FILIP1L: variants seen among roughly 807,000 people sequenced by gnomAD.
FILIP1L encodes filamin A interacting protein 1 like, also known as filamin A-interacting protein 1-like.
FILIP1L carries 55 observed loss-of-function variants against 96.6 expected under a neutral mutation model. The observed-to-expected ratio is 0.57, with a 90% CI of 0.46 to 0.71. FILIP1L has a LOEUF of 0.71. FILIP1L is among the 30% of genes least tolerant of loss of function. FILIP1L has a pLI of 0.00. For synonymous variants in FILIP1L, 467 were observed against 473.9 expected (o/e 0.99, Z 0.19); for missense variants, 1,304 against 1,321.2 (o/e 0.99, Z 0.20).
At chr3:99,908,501 A>G (rs1706692190) in intron 4 of FILIP1L, among the ~76,000 whole-genome samples, 4 of 152,204 alleles carry the variant, frequency 2.6e-5, no homozygotes, top group Admixed American at 2.0e-4. Flanking sequence ...TCCCCAGGCA[A>G]TAATGATGAT....
chr3:99,969,607 C>T (rs1166031408), intron 1 of FILIP1L, among the ~76,000 whole-genome samples: 4 of 152,114 alleles, frequency 2.6e-5, no homozygotes, highest in Non-Finnish European at 5.9e-5. Context: ...GGTCAAGGAA[C>T]TATGGTTTTC....
intron 1 of FILIP1L, among the ~76,000 whole-genome samples, chr3:100,111,216 G>A (rs1686612008): frequency 6.6e-6 from 1 of 152,128 alleles, no homozygotes; most frequent in Admixed American, 6.6e-5. Context: ...GAAAGAGGAT[G>A]GTAGGGGGAG....
intron 1 of FILIP1L, among the ~76,000 whole-genome samples, chr3:100,031,341 A>G (rs2065018414): frequency 6.6e-6 from 1 of 152,108 alleles, no homozygotes; most frequent in Non-Finnish European, 1.5e-5. Flanking sequence ...CTAGCAGTCC[A>G]ATAGAAATGT....
intron 4 of FILIP1L, among the ~76,000 whole-genome samples, chr3:99,901,884 C>T (rs140442858): frequency 6.6e-5 from 10 of 152,160 alleles, no homozygotes; most frequent in Non-Finnish European, 1.2e-4. Context: ...TACCACCTGC[C>T]TTGTCCCTAG....
At chr3:100,044,358 A>T (rs1215449297) in intron 1 of FILIP1L, among the ~76,000 whole-genome samples, 1 of 152,122 alleles carries the variant, frequency 6.6e-6, no homozygotes, top group Non-Finnish European at 1.5e-5. Flanking sequence ...TCATAGTATA[A>T]AGAAGTAACA....
intron 5 of FILIP1L, among the ~76,000 whole-genome samples, chr3:99,835,011 ATCATCTTTG>A (rs1445588381): frequency 6.6e-6 from 1 of 152,222 alleles, no homozygotes; most frequent in Non-Finnish European, 1.5e-5. Context: ...CATCATCAGC[ATCATCTTTG>A]TCTTTTTCCT....
intron 1 of FILIP1L, among the ~76,000 whole-genome samples, chr3:100,016,447 A>ACAG (rs1384348541): frequency 6.6e-6 from 1 of 152,138 alleles, no homozygotes; most frequent in Admixed American, 6.6e-5. Context: ...CACCTCGGAA[A>ACAG]GTGCTGGGAT....
At chr3:99,916,767 T>C (rs1706967632) in intron 4 of FILIP1L, among the ~76,000 whole-genome samples, 1 of 152,144 alleles carries the variant, frequency 6.6e-6, no homozygotes, top group Non-Finnish European at 1.5e-5. Context: ...GTCTATGCTT[T>C]TAACTCTGAT....
intron 5 of FILIP1L, among the ~76,000 whole-genome samples, chr3:99,845,087 A>G (rs1279018735): frequency 6.6e-6 from 1 of 152,184 alleles, no homozygotes; most frequent in Non-Finnish European, 1.5e-5. Flanking sequence ...ATAGTTGTGG[A>G]GACCTTACAA....
intron 1 of FILIP1L, among the ~76,000 whole-genome samples, chr3:100,080,089 A>C (rs1464999938): frequency 6.6e-6 from 1 of 151,994 alleles, no homozygotes; most frequent in Non-Finnish European, 1.5e-5. Flanking sequence ...TTTAACTTTT[A>C]CTCCATCCCT....
intron 4 of FILIP1L, among the ~76,000 whole-genome samples, chr3:99,880,681 T>A (rs1705696045): frequency 1.3e-5 from 2 of 152,048 alleles, no homozygotes; most frequent in African/African-American, 2.4e-5. Flanking sequence ...GTTTTAAAAT[T>A]AATTTAAAAT....
chr3:99,901,218 C>T (rs1013877167), intron 4 of FILIP1L, among the ~76,000 whole-genome samples: 1 of 152,144 alleles, frequency 6.6e-6, no homozygotes, highest in African/African-American at 2.4e-5. Context: ...AACAAAATGG[C>T]TACACGTTGA....
chr3:100,092,738 AGGTC>A (rs2066132844), intron 1 of FILIP1L, among the ~76,000 whole-genome samples: 1 of 150,634 alleles, frequency 6.6e-6, no homozygotes, highest in Non-Finnish European at 1.5e-5. Context: ...ACTTACTCTG[AGGTC>A]CTACCTTGTC....
At chr3:100,014,807 ATT>A (rs201338660) in intron 1 of FILIP1L, among the ~76,000 whole-genome samples, 332 of 64,524 alleles carry the variant, frequency 5.1e-3, no homozygotes, top group Non-Finnish European at 8.5e-3. Context: ...CATTCTATTG[ATT>A]TTTTTTTTTT....
chr3:99,868,589 C>T (rs1171912232), intron 4 of FILIP1L, among the ~76,000 whole-genome samples: 2 of 152,212 alleles, frequency 1.3e-5, no homozygotes, highest in African/African-American at 2.4e-5. Flanking sequence ...AAGCTGCCTT[C>T]CTTTCTGCAT....
intron 1 of FILIP1L, among the ~76,000 whole-genome samples, chr3:100,033,034 A>G (rs553944367): frequency 3.3e-5 from 5 of 152,114 alleles, no homozygotes; most frequent in African/African-American, 7.2e-5. Flanking sequence ...TTTCCACTCT[A>G]CTGTTACCAT....
intron 1 of FILIP1L, among the ~76,000 whole-genome samples, chr3:100,101,418 C>A (rs1405579805): frequency 6.6e-6 from 1 of 152,040 alleles, no homozygotes; most frequent in African/African-American, 2.4e-5. Flanking sequence ...TAGCAGTGGC[C>A]TCAGGTAAAG....
chr3:100,045,178 G>A (rs951234002), intron 1 of FILIP1L, among the ~76,000 whole-genome samples: 1 of 152,206 alleles, frequency 6.6e-6, no homozygotes, highest in Non-Finnish European at 1.5e-5. Flanking sequence ...CTGCGAATAT[G>A]ACCTCTCGAA....
intron 4 of FILIP1L, among the ~76,000 whole-genome samples, chr3:99,905,311 G>A (rs1022350944): frequency 1.3e-5 from 2 of 152,126 alleles, no homozygotes; most frequent in Non-Finnish European, 2.9e-5. Flanking sequence ...CTAGTCCCAT[G>A]TGTGCACTTA....
Sources: gnomAD v4.1 joint callset for allele counts (sites outside exome capture counted in the v4.1 genomes callset) on GRCh38, gnomAD v4.1.1 for gene constraint, MANE v1.5 for transcripts, NCBI Gene and HGNC (gene_info 2026-07-23, HGNC 2026-07-21) for gene names.